The following PTPRD variants were observed in gnomAD, a reference collection of about 807,000 sequenced individuals.
PTPRD encodes the protein protein tyrosine phosphatase receptor type D.
Under a neutral mutation model 214.5 loss-of-function variants are expected in PTPRD, and 34 were observed. The ratio of observed to expected loss-of-function variants is 0.16; its 90% CI spans 0.12 to 0.21. The LOEUF (loss-of-function observed/expected upper bound fraction) is 0.21. PTPRD is among the 10% of genes least tolerant of loss of function. PTPRD has a pLI of 1.00. For synonymous variants in PTPRD, 1,128 were observed against 845.7 expected (o/e 1.33, Z -5.79); for missense variants, 2,545 against 2,398.7 (o/e 1.06, Z -1.27).
At chr9:9,379,147 T>C (rs2061519953) in intron 9 of PTPRD, among the ~76,000 whole-genome samples, 2 of 150,236 alleles carry the variant, frequency 1.3e-5, no homozygotes, top group Admixed American at 6.7e-5. Context: ...TTTATGTCTA[T>C]GATCCATTTG....
intron 12 of PTPRD, among the ~76,000 whole-genome samples, chr9:8,646,476 A>G (rs772956327): frequency 1.3e-5 from 2 of 152,134 alleles, no homozygotes; most frequent in Non-Finnish European, 2.9e-5. Flanking sequence ...CATTTCCACC[A>G]TTGCCCACGG....
chr9:10,391,737 T>A (rs974983735), intron 2 of PTPRD, among the ~76,000 whole-genome samples: 1 of 151,776 alleles, frequency 6.6e-6, no homozygotes. Context: ...TCTCTTCCAA[T>A]ATAAATTAGA....
At chr9:10,482,275 GC>G (rs1427818595) in intron 2 of PTPRD, among the ~76,000 whole-genome samples, 2 of 151,994 alleles carry the variant, frequency 1.3e-5, no homozygotes, top group Non-Finnish European at 2.9e-5. Context: ...GGAGGCTGAG[GC>G]AGGAGAATGG....
intron 37 of PTPRD, among the ~76,000 whole-genome samples, chr9:8,380,406 C>T (rs760392182): frequency 6.6e-6 from 1 of 152,128 alleles, no homozygotes; most frequent in Non-Finnish European, 1.5e-5. Context: ...AGAAGAACAG[C>T]AGAACTTGTC....
chr9:9,845,718 G>T (rs762852436), intron 5 of PTPRD, among the ~76,000 whole-genome samples: 1 of 152,136 alleles, frequency 6.6e-6, no homozygotes, highest in Non-Finnish European at 1.5e-5. Flanking sequence ...GCAAGAGGAC[G>T]TGAAATCAAT....
chr9:8,809,350 A>T (rs187188926), intron 11 of PTPRD, among the ~76,000 whole-genome samples: 1 of 152,254 alleles, frequency 6.6e-6, no homozygotes, highest in Admixed American at 6.5e-5. Context: ...CCAGGGTAGA[A>T]ATTGGCATCT....
intron 9 of PTPRD, among the ~76,000 whole-genome samples, chr9:9,340,417 A>G (rs2046327555): frequency 6.6e-6 from 1 of 152,212 alleles, no homozygotes; most frequent in South Asian, 2.1e-4. Flanking sequence ...CCTTTTAATT[A>G]TGCTTATTAT....
At chr9:10,173,970 T>A (rs994550482) in intron 3 of PTPRD, among the ~76,000 whole-genome samples, 1 of 152,142 alleles carries the variant, frequency 6.6e-6, no homozygotes, top group Non-Finnish European at 1.5e-5. Context: ...TCCTACCATG[T>A]GCAGAAATAA....
At chr9:9,845,074 ATTGC>A (rs1405828517) in intron 5 of PTPRD, among the ~76,000 whole-genome samples, 1 of 106,694 alleles carries the variant, frequency 9.4e-6, no homozygotes, top group Non-Finnish European at 1.9e-5. Flanking sequence ...ATATATATAT[ATTGC>A]TCTATATATA....
chr9:10,040,857 T>C (rs1234896566), intron 3 of PTPRD, among the ~76,000 whole-genome samples: 1 of 152,048 alleles, frequency 6.6e-6, no homozygotes, highest in African/African-American at 2.4e-5. Context: ...AAGTGCAATA[T>C]GTGCTATTTG....
At chr9:9,388,662 G>A (rs1236335208) in intron 9 of PTPRD, among the ~76,000 whole-genome samples, 1 of 151,974 alleles carries the variant, frequency 6.6e-6, no homozygotes, top group African/African-American at 2.4e-5. Context: ...ATTGTACCAG[G>A]AAAGTTTTAA....
chr9:8,816,950 C>A (rs910320316), intron 11 of PTPRD, among the ~76,000 whole-genome samples: 1 of 152,348 alleles, frequency 6.6e-6, no homozygotes, highest in East Asian at 1.9e-4. Flanking sequence ...TCAGATACAT[C>A]TGTGTTATAA....
chr9:10,519,977 C>T (rs2051620296), intron 2 of PTPRD, among the ~76,000 whole-genome samples: 2 of 151,946 alleles, frequency 1.3e-5, no homozygotes, highest in Admixed American at 1.3e-4. Flanking sequence ...CCACCTATGC[C>T]CCCAAAACTA....
intron 34 of PTPRD, among the ~76,000 whole-genome samples, chr9:8,436,930 G>A (rs1258218697): frequency 5.3e-5 from 8 of 152,222 alleles, no homozygotes; most frequent in African/African-American, 1.9e-4. Context: ...CACTCCTAGT[G>A]TAAAAGAAAG....
At chr9:9,058,623 G>A (rs1031408071) in intron 10 of PTPRD, among the ~76,000 whole-genome samples, 2 of 149,966 alleles carry the variant, frequency 1.3e-5, no homozygotes, top group Non-Finnish European at 3.0e-5. Flanking sequence ...CTAATTTTTT[G>A]TATTTTTAGT....
At chr9:8,883,459 A>G (rs1282383455) in intron 11 of PTPRD, among the ~76,000 whole-genome samples, 1 of 152,218 alleles carries the variant, frequency 6.6e-6, no homozygotes, top group African/African-American at 2.4e-5. Context: ...AGTCAGGACC[A>G]TAAACTTGGG....
At chr9:9,741,279 G>A (rs2098398036) in intron 6 of PTPRD, among the ~76,000 whole-genome samples, 1 of 152,038 alleles carries the variant, frequency 6.6e-6, no homozygotes, top group African/African-American at 2.4e-5. Flanking sequence ...AGTGATAGAA[G>A]AAACATGGGA....
At chr9:8,507,245 A>G in intron 22 of PTPRD, 56 bp downstream of exon 22, 1 of 1,571,186 alleles carries the variant, frequency 6.4e-7, no homozygotes, top group South Asian at 1.2e-5. Context: ...CACAAAAATA[A>G]AAAAGTGGCC....
At chr9:8,721,812 G>C (rs2098502346) in intron 12 of PTPRD, among the ~76,000 whole-genome samples, 1 of 152,170 alleles carries the variant, frequency 6.6e-6, no homozygotes, top group Non-Finnish European at 1.5e-5. Flanking sequence ...GATTTCAAGA[G>C]CTTGTGAAAG....
Sources: gnomAD v4.1 joint callset for allele counts (sites outside exome capture counted in the v4.1 genomes callset) on GRCh38, gnomAD v4.1.1 for gene constraint, MANE v1.5 for transcripts, NCBI Gene and HGNC (gene_info 2026-07-23, HGNC 2026-07-21) for gene names.